The following TMCO4 variants were observed in gnomAD, a reference collection of about 807,000 sequenced individuals.
The protein encoded by TMCO4 is transmembrane and coiled-coil domain-containing protein 4.
In TMCO4, 58 loss-of-function variants were observed where a neutral mutation model predicts 64.7. That is an observed-to-expected ratio of 0.90 (90% CI 0.73 to 1.12). The LOEUF (loss-of-function observed/expected upper bound fraction) is 1.12. TMCO4 is among the 50% of genes most tolerant of loss of function. TMCO4 has a pLI of 0.00. For synonymous variants in TMCO4, 325 were observed against 346.1 expected (o/e 0.94, Z 0.68); for missense variants, 780 against 825.9 (o/e 0.94, Z 0.68).
Position 19,700,808 on chromosome 1 carries a change from G to T in TMCO4, c.1342C>A (p.Arg448=), listed in dbSNP as rs144254063. The change falls in exon 14 of 16, where the codon CGG becomes AGG. Residue 448 remains arginine, a synonymous_variant. Transcript: ENST00000294543. The part of the protein sequence containing the change: ...EGEAKHWEPF[R]KVVSGRIING... The stretch of plus-strand genomic sequence containing the variant: ...ATGATCCTCCCGGACACCACCTTCC[G>T]GAAAGGCTCCCAATGCTTGGCTTCT... 15 of 1,614,188 alleles carry T rather than the reference G, an allele frequency of 9.3e-6. No individual in the cohort carries two copies. Among genetic ancestry groups the T allele is most frequent in the African/African-American group, 1.3e-5 (1 of 75,046 alleles).
chr1:19,758,643 T>G (rs534535363), intron 6 of TMCO4, among the ~76,000 whole-genome samples: 1 of 152,124 alleles, frequency 6.6e-6, no homozygotes, highest in African/African-American at 2.4e-5. Flanking sequence ...GTTTAAGGCA[T>G]GTTCCTTCTG....
chr1:19,699,853 T>C (rs1345397163), intron 14 of TMCO4, among the ~76,000 whole-genome samples: 1 of 152,200 alleles, frequency 6.6e-6, no homozygotes, highest in African/African-American at 2.4e-5. Flanking sequence ...CACGAGCATG[T>C]ACATACATGC....
intron 3 of TMCO4, among the ~76,000 whole-genome samples, chr1:19,782,743 C>G (rs1409991426): frequency 6.6e-6 from 1 of 152,132 alleles, no homozygotes; most frequent in African/African-American, 2.4e-5. Flanking sequence ...CTGGGAGCCA[C>G]CAGGAAGGGT....
At chr1:19,767,508 A>G (rs1424944842) in intron 6 of TMCO4, among the ~76,000 whole-genome samples, 1 of 152,172 alleles carries the variant, frequency 6.6e-6, no homozygotes, top group East Asian at 1.9e-4. Context: ...AACAGCAGAG[A>G]AGAGTCAGTG....
intron 6 of TMCO4, among the ~76,000 whole-genome samples, chr1:19,767,426 G>A (rs2042784828): frequency 6.6e-6 from 1 of 152,160 alleles, no homozygotes; most frequent in Admixed American, 6.5e-5. Flanking sequence ...TGGGCATGAA[G>A]CACCAGGCAA....
At chr1:19,795,583 A>C (rs10917541) in intron 2 of TMCO4, among the ~76,000 whole-genome samples, 3,813 of 152,284 alleles carry the variant, frequency 0.025, 81 homozygotes, top group African/African-American at 0.054. Context: ...CTCTTTCTAC[A>C]TATCATCTCA....
intron 13 of TMCO4, among the ~76,000 whole-genome samples, chr1:19,708,136 G>A (rs2100661925): frequency 6.6e-6 from 1 of 152,262 alleles, no homozygotes; most frequent in South Asian, 2.1e-4. Context: ...GCCTAGTTTT[G>A]TTAGAGGCTA....
intron 6 of TMCO4, among the ~76,000 whole-genome samples, chr1:19,758,872 G>A (rs1014045426): frequency 6.6e-6 from 1 of 152,032 alleles, no homozygotes. Context: ...AGGCCGAGGT[G>A]GGCCAATCAC....
chr1:19,707,214 G>A (rs1200020401), intron 13 of TMCO4, among the ~76,000 whole-genome samples: 1 of 152,208 alleles, frequency 6.6e-6, no homozygotes, highest in East Asian at 1.9e-4. Context: ...ATGTGATGTG[G>A]GGCCTGGTGG....
intron 10 of TMCO4, among the ~76,000 whole-genome samples, chr1:19,741,772 T>C (rs2095480453): frequency 2.0e-5 from 3 of 151,418 alleles, no homozygotes; most frequent in Admixed American, 2.0e-4. Flanking sequence ...AGTTTTGCTT[T>C]GTTTCCCAGG....
At chr1:19,686,955 ATTTTTTT>A (rs60727830) in intron 15 of TMCO4, among the ~76,000 whole-genome samples, 1 of 148,974 alleles carries the variant, frequency 6.7e-6, no homozygotes, top group South Asian at 2.1e-4. Flanking sequence ...GTTTTTCTTA[ATTTTTTT>A]TTTTTTTGAG....
intron 15 of TMCO4, among the ~76,000 whole-genome samples, chr1:19,692,575 C>CAAAAAAAA (rs532713684): frequency 4.7e-5 from 3 of 63,954 alleles, no homozygotes; most frequent in Non-Finnish European, 8.5e-5. Context: ...ATTAAAAATA[C>CAAAAAAAA]AAAAAAAAAA....
intron 15 of TMCO4, among the ~76,000 whole-genome samples, chr1:19,684,565 C>T (rs145299368): frequency 4.2e-4 from 64 of 152,276 alleles, no homozygotes; most frequent in Admixed American, 1.5e-3. Flanking sequence ...GGTAGTTTCA[C>T]CAGAGGTTGG....
intron 13 of TMCO4, among the ~76,000 whole-genome samples, chr1:19,724,046 C>T (rs143750761): frequency 2.4e-3 from 359 of 152,156 alleles, no homozygotes; most frequent in Admixed American, 5.0e-3. Context: ...GAAAGGCAGT[C>T]GGCAGGCTAA....
At chr1:19,748,978 A>C (rs2041913692) in intron 7 of TMCO4, among the ~76,000 whole-genome samples, 1 of 152,164 alleles carries the variant, frequency 6.6e-6, no homozygotes, top group African/African-American at 2.4e-5. Context: ...CCTGGGTGTA[A>C]AGCCCAGTGT....
chr1:19,747,338 A>C, intron 7 of TMCO4, 78 bp from the exon 8 acceptor site: 1 of 1,219,592 alleles, frequency 8.2e-7, no homozygotes, highest in Non-Finnish European at 1.2e-6. Context: ...CCAACCCTCA[A>C]ACAGGGGCCA....
Position 19,748,582 on chromosome 1 carries a change from T to C in TMCO4, c.516-1322A>G, listed in dbSNP as rs372159831. On this transcript the variant is annotated intron_variant, in intron 7 of 15. Coordinates refer to ENST00000294543, the MANE Select transcript of TMCO4 (RefSeq NM_181719.7). ...GCTCACACCTGTAAACCCAGCACTT[T>C]GGGAGGCCGAGGCAGGTGGATCACC... Among the ~76,000 whole-genome samples the C allele has an allele frequency of 2.0e-5, 3 of 152,264 alleles. No homozygotes were observed. In the East Asian group the frequency reaches 5.8e-4, roughly 29 times the overall value.
At position 19,732,988 on chromosome 1, in the gene TMCO4, G is replaced by A. The variant is rs533945450; in HGVS notation, c.1264+4384C>T. ...TGTCAATATAGAAGTTTTCTAGGCC[G>A]GGCACGGTGGCTCACGCCTGTAATG... On this transcript the variant is annotated intron_variant, in intron 13 of 15. Coordinates refer to ENST00000294543, the MANE Select transcript of TMCO4 (RefSeq NM_181719.7). This position sits in a 1 kb window ranked among gnomAD's most constrained non-coding sequence, Gnocchi z 4.8. Among the ~76,000 whole-genome samples the A allele has an allele frequency of 2.0e-5, 3 of 152,000 alleles. No homozygotes were observed. Among genetic ancestry groups the A allele is most frequent in the East Asian group, 1.9e-4 (1 of 5,166 alleles).
chr1:19,799,763 C>T (rs1198472364), intron 1 of TMCO4, 92 bp downstream of exon 1: 1 of 152,088 alleles, frequency 6.6e-6, no homozygotes, highest in Non-Finnish European at 1.5e-5. Flanking sequence ...GGGGCTGGGC[C>T]GGGCTCCGAG....
Sources: gnomAD v4.1 joint callset for allele counts (sites outside exome capture counted in the v4.1 genomes callset) on GRCh38, gnomAD v4.1.1 for gene constraint, Gnocchi (gnomAD v3.1) non-coding constraint, MANE v1.5 for transcripts, NCBI Gene and HGNC (gene_info 2026-07-23, HGNC 2026-07-21) for gene names.